PVALB: variants seen among roughly 807,000 people sequenced by gnomAD.
PVALB encodes the protein parvalbumin.
A neutral mutation model predicts 10.9 loss-of-function variants in PVALB; 11 were observed. The ratio of observed to expected loss-of-function variants is 1.01; its 90% CI spans 0.63 to 1.67. The LOEUF (loss-of-function observed/expected upper bound fraction) is 1.67, where lower values mean the gene tolerates loss of function less well. PVALB is among the 40% of genes most tolerant of loss of function. The pLI is 0.00. For missense variants in PVALB, 131 were observed against 136.2 expected (o/e 0.96, Z 0.19); for synonymous variants, 57 against 50.7 (o/e 1.12, Z -0.53).
chr22:36,801,677 G>A (rs1026011647), intron 3 of PVALB, among the ~76,000 whole-genome samples: 4 of 152,218 alleles, frequency 2.6e-5, no homozygotes, highest in Non-Finnish European at 4.4e-5. Flanking sequence ...GCGGACGCCT[G>A]TAATCCCAGC....
At chr22:36,811,015 C>T (rs1939037410) in intron 3 of PVALB, among the ~76,000 whole-genome samples, 1 of 152,174 alleles carries the variant, frequency 6.6e-6, no homozygotes, top group African/African-American at 2.4e-5. Context: ...GTGGCTCATG[C>T]CTGTAACCCC....
At chr22:36,813,310 A>G (rs373266998) in intron 3 of PVALB, 182 of 242,734 alleles carry the variant, frequency 7.5e-4, no homozygotes, top group African/African-American at 3.9e-3. Flanking sequence ...CCAAGGTCAC[A>G]CAGCCAGTTT....
At chr22:36,803,615 G>T (rs1393195279) in intron 3 of PVALB, among the ~76,000 whole-genome samples, 4 of 151,048 alleles carry the variant, frequency 2.6e-5, no homozygotes, top group Non-Finnish European at 5.9e-5. Context: ...GATGAGGAAT[G>T]GATGGATAGA....
chr22:36,817,116 C>T (rs373920326), upstream of PVALB: 1 of 1,044,142 alleles, frequency 9.6e-7, no homozygotes, highest in South Asian at 1.7e-5. Flanking sequence ...GGCGCACGCC[C>T]GCCGGGCCTG....
intron 3 of PVALB, among the ~76,000 whole-genome samples, chr22:36,804,607 C>A (rs1938922143): frequency 6.6e-6 from 1 of 152,198 alleles, no homozygotes; most frequent in Non-Finnish European, 1.5e-5. Flanking sequence ...TAGCCAAACC[C>A]TTCCTCTAAA....
intron 3 of PVALB, among the ~76,000 whole-genome samples, chr22:36,811,153 G>A (rs1056499329): frequency 3.5e-4 from 54 of 152,130 alleles, no homozygotes; most frequent in Non-Finnish European, 6.2e-4. Flanking sequence ...GTGCGTGCCT[G>A]TAATCCCAGC....
intron 3 of PVALB, among the ~76,000 whole-genome samples, chr22:36,805,108 C>T (rs1057371063): frequency 1.3e-5 from 2 of 152,196 alleles, no homozygotes; most frequent in African/African-American, 4.8e-5. Flanking sequence ...ATGCCTCATC[C>T]TCCCTGGTCT....
At position 36,813,761 on chromosome 22, in the gene PVALB, G is replaced by A; in HGVS notation, c.195-6C>T. On this transcript the variant is annotated splice_polypyrimidine_tract_variant and splice_region_variant and intron_variant, in intron 2 of 3. Coordinates refer to ENST00000417718, the MANE Select transcript of PVALB (RefSeq NM_001315532.2). ...AGAAGCCTTTTAGGATGAATCTGGA[G>A]GAGAAAAGGGAGAAAGCCGGTGAGG... The A allele has an allele frequency of 6.3e-7, 1 of 1,599,078 alleles. No homozygotes were observed. The highest frequency in any genetic ancestry group is 8.6e-7 in the Non-Finnish European group (1 of 1,166,358).
At chr22:36,817,099 C>A, upstream of PVALB, 2 of 1,201,580 alleles carry the variant, frequency 1.7e-6, no homozygotes, top group South Asian at 3.0e-5. Context: ...TGCAGTGCTG[C>A]GCGCCGGGCG....
At chr22:36,801,040 C>A in intron 3 of PVALB, 122 bp from the exon 4 acceptor site, 1 of 900,818 alleles carries the variant, frequency 1.1e-6, no homozygotes, top group Non-Finnish European at 1.8e-6. Flanking sequence ...TGCAGCAGCC[C>A]CAGAGCGTAA....
Position 36,805,605 on chromosome 22 carries a change from T to A in PVALB, c.305-4687A>T, listed in dbSNP as rs370995813. Among the ~76,000 whole-genome samples, 25 of 152,316 alleles carry A rather than the reference T, an allele frequency of 1.6e-4. No homozygotes were observed. The East Asian group carries it at 2.5e-3, about 15-fold the overall frequency. ...GGACCTACATCTGAATCTTGTTCCA[T>A]CACTATCTGGCTAGGTGGCCATCAG... On this transcript the variant is annotated intron_variant, in intron 3 of 3. Coordinates refer to ENST00000417718, the MANE Select transcript of PVALB (RefSeq NM_001315532.2).
intron 3 of PVALB, among the ~76,000 whole-genome samples, chr22:36,812,713 T>G (rs1482796345): frequency 6.6e-6 from 1 of 152,224 alleles, no homozygotes; most frequent in Non-Finnish European, 1.5e-5. Flanking sequence ...CAGTTTTCTC[T>G]GAGACCAGCA....
chr22:36,813,844 TGGGGAAA>T, intron 2 of PVALB, 89 bp from the exon 3 acceptor site: 1 of 996,896 alleles, frequency 1.0e-6, no homozygotes, highest in South Asian at 1.3e-5. Flanking sequence ...GGTTTCTGTA[TGGGGAAA>T]GGGATGGCTG....
Position 36,806,291 on chromosome 22 carries a change from C to T in PVALB, c.305-5373G>A, listed in dbSNP as rs576314804. On this transcript the variant is annotated intron_variant, in intron 3 of 3. Transcript: ENST00000417718. ...ATGTCATCATTGTCCAACCAGAAAG[C>T]GACAAAGGAGGTAGATGGTAGGGAT... Among the ~76,000 whole-genome samples the T allele has an allele frequency of 3.3e-5, 5 of 152,126 alleles. No individual in the cohort carries two copies. In the South Asian group the frequency reaches 6.2e-4, roughly 19 times the overall value.
intron 3 of PVALB, among the ~76,000 whole-genome samples, chr22:36,812,303 C>G (rs551730228): frequency 6.6e-5 from 10 of 152,230 alleles, no homozygotes; most frequent in Non-Finnish European, 1.0e-4. Flanking sequence ...AGCACCTGCT[C>G]TGTGTGGGGT....
At position 36,804,273 on chromosome 22, in the gene PVALB, A is replaced by C. The variant is rs192848645; in HGVS notation, c.305-3355T>G. ...GCTGGTGTGACGGGGACCCAGGGAC[A>C]CCAATGAGGGACTCTCCGGTGACGG... On this transcript the variant is annotated intron_variant, in intron 3 of 3. Transcript: ENST00000417718. Among the ~76,000 whole-genome samples, 10 of 152,314 alleles carry C rather than the reference A, an allele frequency of 6.6e-5. No individual in the cohort carries two copies. The East Asian group carries it at 1.5e-3, about 24-fold the overall frequency.
At chr22:36,816,882 G>A (rs977395266) in intron 1 of PVALB, 63 bp downstream of exon 1, 1 of 1,408,662 alleles carries the variant, frequency 7.1e-7, no homozygotes, top group South Asian at 1.2e-5. Context: ...GGGGCCGGCG[G>A]AGTGCAGGGG....
chr22:36,802,988 G>A (rs972048574), intron 3 of PVALB, among the ~76,000 whole-genome samples: 1 of 152,196 alleles, frequency 6.6e-6, no homozygotes, highest in East Asian at 1.9e-4. Context: ...CGGTGGGGCA[G>A]GTGGTTATTT....
intron 3 of PVALB, among the ~76,000 whole-genome samples, chr22:36,805,070 T>C (rs1268905856): frequency 1.3e-5 from 2 of 152,228 alleles, no homozygotes; most frequent in Non-Finnish European, 2.9e-5. Context: ...AGTCTTGGCT[T>C]TGCCATCTGC....
Sources: allele counts gnomAD v4.1 joint callset (sites outside exome capture counted in the v4.1 genomes callset), GRCh38; gene constraint gnomAD v4.1.1; transcripts MANE v1.5; gene names NCBI Gene and HGNC (gene_info 2026-07-23, HGNC 2026-07-21).